Variants in EXD3 observed in about 807,000 individuals in gnomAD.
EXD3 encodes the protein exonuclease 3'-5' domain containing 3.
Under a neutral mutation model 98.0 loss-of-function variants are expected in EXD3, and 92 were observed. The ratio of observed to expected loss-of-function variants is 0.94; its 90% CI spans 0.79 to 1.12. EXD3 has a LOEUF of 1.12. EXD3 is among the 50% of genes most tolerant of loss of function. The pLI is 0.00. For missense variants in EXD3, 1,222 were observed against 1,191.6 expected (o/e 1.03, Z -0.38); for synonymous variants, 569 against 526.0 (o/e 1.08, Z -1.12).
chr9:137,353,228 T>G (rs1456148695), intron 10 of EXD3: 73 of 956,444 alleles, frequency 7.6e-5, no homozygotes, highest in Non-Finnish European at 8.5e-5. Context: ...CACTGACCTT[T>G]CCAGCCTCCA....
chr9:137,416,729 G>A (rs1838249861), intron 1 of EXD3, among the ~76,000 whole-genome samples: 1 of 152,152 alleles, frequency 6.6e-6, no homozygotes, highest in Non-Finnish European at 1.5e-5. Flanking sequence ...GCGGTTCCAG[G>A]ACCTGGTTCC....
chr9:137,310,025 C>T (rs1044876685), intron 19 of EXD3, among the ~76,000 whole-genome samples: 1 of 152,260 alleles, frequency 6.6e-6, no homozygotes, highest in Non-Finnish European at 1.5e-5. Flanking sequence ...CCGTGGGCCA[C>T]CTCAGCTGGC....
chr9:137,353,417 G>C, intron 10 of EXD3: 1 of 985,362 alleles, frequency 1.0e-6, no homozygotes. Context: ...TCTTGCCAGG[G>C]GAGCCCCTCT....
In EXD3 at chr9:137,364,629, C is replaced by T. The variant is rs1476177634; in HGVS notation, c.656+1864G>A. 2.0e-5 allele frequency among the ~76,000 whole-genome samples: 3 copies of T among 150,930 alleles called. 1 individual carries two copies. In the South Asian group the frequency reaches 6.3e-4, roughly 32 times the overall value. On this transcript the variant is annotated intron_variant, in intron 7 of 21. Coordinates refer to ENST00000340951, the MANE Select transcript of EXD3 (RefSeq NM_017820.5). ...AAAGGCTTCATCTAAAAAAAAAAAT[C>T]ATTAATTTAAACCAATATCTGCAAT...
rs1262714256 is a variant in EXD3, at chr9:137,403,322, A to G, written c.-47-7918T>C. ...GCGTCTCCTCCCGGCTGGTCTGTCC[A>G]GGAAAAAGCCCTCCCAGCCGCACCT... On this transcript the variant is annotated intron_variant, in intron 1 of 21. Transcript: ENST00000340951. The surrounding 1 kb of genome is among the most constrained non-coding windows in gnomAD (Gnocchi z 6.1). Among the ~76,000 whole-genome samples the G allele has an allele frequency of 5.3e-5, 8 of 151,982 alleles. No individual in the cohort carries two copies. Among genetic ancestry groups the G allele is most frequent in the Admixed American group, 5.2e-4 (8 of 15,246 alleles).
chr9:137,414,934 C>T (rs1181833404), intron 1 of EXD3, among the ~76,000 whole-genome samples: 1 of 152,180 alleles, frequency 6.6e-6, no homozygotes, highest in Non-Finnish European at 1.5e-5. Flanking sequence ...GTCGCCCAAG[C>T]TGGAGTGCAG....
Position 137,354,320 on chromosome 9 carries a change from G to A in EXD3, c.870+19C>T, listed in dbSNP as rs1357678943. On this transcript the variant is annotated intron_variant, in intron 10 of 21. Transcript: ENST00000340951. ...GCCCAGGCCGCCCTGCCGGCTTACAGGCAAGGGCACGAACTCACCTGCACA... is the reference window on the plus strand; with the variant it reads ...GCCCAGGCCGCCCTGCCGGCTTACAAGCAAGGGCACGAACTCACCTGCACA... The A allele has an allele frequency of 6.2e-7, 1 of 1,611,750 alleles. No individual in the cohort carries two copies. Among genetic ancestry groups the A allele is most frequent in the African/African-American group, 1.3e-5 (1 of 74,942 alleles).
At chr9:137,365,168 C>A (rs1835162690) in intron 7 of EXD3, 1 of 151,906 alleles carries the variant, frequency 6.6e-6, no homozygotes, top group Non-Finnish European at 1.5e-5. Context: ...CCTGCTCCCT[C>A]TGATGAAAAG....
chr9:137,322,076 A>C (rs114282259), intron 19 of EXD3, among the ~76,000 whole-genome samples: 3,035 of 152,216 alleles, frequency 0.02, 100 homozygotes, highest in East Asian at 0.16. Context: ...ATGGATCTCC[A>C]CCGAGGTGCG....
At chr9:137,356,727 C>T (rs987687655) in intron 7 of EXD3, among the ~76,000 whole-genome samples, 3 of 152,212 alleles carry the variant, frequency 2.0e-5, no homozygotes, top group African/African-American at 4.8e-5. Flanking sequence ...GGCTGTGCAA[C>T]GGCCTCAACG....
intron 17 of EXD3, among the ~76,000 whole-genome samples, chr9:137,327,891 C>A (rs1832538822): frequency 7.0e-6 from 1 of 142,960 alleles, no homozygotes; most frequent in African/African-American, 2.6e-5. Context: ...TGAATAAACA[C>A]CCACATGATG....
At chr9:137,328,477 T>C (rs1832620393) in intron 17 of EXD3, among the ~76,000 whole-genome samples, 1 of 151,768 alleles carries the variant, frequency 6.6e-6, no homozygotes, top group African/African-American at 2.4e-5. Context: ...ATATGATGAG[T>C]AAAAACAAAA....
chr9:137,334,918 A>G (rs1366797558), intron 17 of EXD3, among the ~76,000 whole-genome samples: 1 of 151,964 alleles, frequency 6.6e-6, no homozygotes, highest in Non-Finnish European at 1.5e-5. Flanking sequence ...TCTACTAAAA[A>G]TACAAAAAAT....
intron 1 of EXD3, among the ~76,000 whole-genome samples, chr9:137,408,663 C>T (rs2131817826): frequency 6.6e-6 from 1 of 152,138 alleles, no homozygotes; most frequent in African/African-American, 2.4e-5. Flanking sequence ...CTGAACCGGC[C>T]CCTCAGACCA....
In EXD3 at chr9:137,366,535, T is replaced by G. The variant is rs1300092480; in HGVS notation, c.614A>C (p.Asp205Ala). ...DLQRRLLVLM[D>A]SWCQPGFDIK... is the part of the protein sequence containing the mutation. ...GTCAAAGCCGGGCTGGCACCAGGAATCCATGAGGACCAGCAGCCTCCTCTG... is the reference window on the plus strand; with the variant it reads ...GTCAAAGCCGGGCTGGCACCAGGAAGCCATGAGGACCAGCAGCCTCCTCTG... The change falls in exon 7 of 22, where the codon GAT becomes GCT. Residue 205 changes from aspartate to alanine, a missense_variant. Asp to Ala is a moderately radical substitution (Grantham distance 126). Transcript: ENST00000340951. 6.4e-7 allele frequency: 1 copy of G among 1,551,494 alleles called. No homozygotes were observed. Among genetic ancestry groups the G allele is most frequent in the South Asian group, 1.2e-5 (1 of 84,094 alleles).
chr9:137,396,315 C>A (rs1837215207), intron 1 of EXD3, among the ~76,000 whole-genome samples: 1 of 152,204 alleles, frequency 6.6e-6, no homozygotes, highest in African/African-American at 2.4e-5. Flanking sequence ...TTACGAGGGT[C>A]ACCCTTCTCC....
intron 1 of EXD3, among the ~76,000 whole-genome samples, chr9:137,409,225 G>A (rs1837879015): frequency 6.6e-6 from 1 of 152,156 alleles, no homozygotes; most frequent in Non-Finnish European, 1.5e-5. Flanking sequence ...CCGCATGCTG[G>A]GCCCTCACCA....
intron 1 of EXD3, among the ~76,000 whole-genome samples, chr9:137,411,720 TGGGTGG>T (rs1378539807): frequency 7.3e-4 from 3 of 4,110 alleles, no homozygotes; most frequent in African/African-American, 1.8e-3. Flanking sequence ...GGGAGGGGGA[TGGGTGG>T]GGGAGGGGGA....
Position 137,410,777 on chromosome 9 carries a change from G to A in EXD3, c.-48+12337C>T, listed in dbSNP as rs572133990. ...GACGTGCCTGACTCACTGTGGAGGC[G>A]ACGCTGCTGAGGGCGGGGGGCAGGG... On this transcript the variant is annotated intron_variant, in intron 1 of 21. Transcript: ENST00000340951. Among the ~76,000 whole-genome samples, 12 of 152,318 alleles carry A rather than the reference G, an allele frequency of 7.9e-5. No individual in the cohort carries two copies. In the South Asian group the frequency reaches 1.9e-3, roughly 24 times the overall value.
Sources: allele counts gnomAD v4.1 joint callset (sites outside exome capture counted in the v4.1 genomes callset), GRCh38; gene constraint gnomAD v4.1.1; non-coding constraint Gnocchi (gnomAD v3.1); transcripts MANE v1.5; gene names NCBI Gene and HGNC (gene_info 2026-07-23, HGNC 2026-07-21).